Variants in ARID1A observed in about 807,000 individuals in gnomAD.
ARID1A encodes the protein AT-rich interactive domain-containing protein 1A.
Under a neutral mutation model 212.6 loss-of-function variants are expected in ARID1A, and 20 were observed. That is an observed-to-expected ratio of 0.09 (90% CI 0.07 to 0.14). ARID1A has a LOEUF of 0.14. Among genes scored for constraint, ARID1A ranks in the 10% least tolerant of loss-of-function variants. ARID1A has a pLI of 1.00. For synonymous variants in ARID1A, 1,376 were observed against 1,222.1 expected (o/e 1.13, Z -2.63); for missense variants, 2,587 against 3,059.0 (o/e 0.85, Z 3.64).
At chr1:26,773,941 T>C (rs2124115688) in intron 17 of ARID1A, 43 bp downstream of exon 17, 1 of 1,589,694 alleles carries the variant, frequency 6.3e-7, no homozygotes, top group Non-Finnish European at 8.6e-7. Context: ...CAGGTTCGCC[T>C]TGAAAACTAG....
At chr1:26,711,581 C>G (rs2080454792) in intron 1 of ARID1A, among the ~76,000 whole-genome samples, 1 of 152,162 alleles carries the variant, frequency 6.6e-6, no homozygotes. Flanking sequence ...AACATTCAGC[C>G]AGTAACAGGA....
rs2081198006 is a variant in ARID1A, at chr1:26,781,765, T to G, written c.*1009T>G. On this transcript the variant is annotated 3_prime_UTR_variant, in exon 20 of 20. Coordinates refer to ENST00000324856, the MANE Select transcript of ARID1A (RefSeq NM_006015.6). ...AATCTCTTGCCAGATATCGCCCCTC[T>G]TGGTGCGATGCTGTACAGGTCTCTG... The G allele has an allele frequency of 4.3e-6, 1 of 233,646 alleles. No individual in the cohort carries two copies. Among genetic ancestry groups the G allele is most frequent in the African/African-American group, 2.2e-5 (1 of 45,360 alleles). The allele number at this position is 233,646 out of a possible 1,614,324, so 14.5% of individuals were successfully genotyped here. A position where few individuals can be genotyped will look rare whatever the true frequency, so the allele number is the denominator to read the frequency against.
At chr1:26,708,746 G>A (rs776049221) in intron 1 of ARID1A, among the ~76,000 whole-genome samples, 53 of 151,326 alleles carry the variant, frequency 3.5e-4, no homozygotes, top group Non-Finnish European at 6.1e-4. Flanking sequence ...CCAGGCTGGA[G>A]TGCAGTGGCG....
intron 1 of ARID1A, among the ~76,000 whole-genome samples, chr1:26,702,113 G>A (rs913846933): frequency 3.9e-5 from 6 of 152,190 alleles, no homozygotes; most frequent in African/African-American, 1.2e-4. Context: ...GGCAGGTCTA[G>A]GTCTGGTTTG....
chr1:26,740,000 A>G (rs2080772858), intron 4 of ARID1A, among the ~76,000 whole-genome samples: 1 of 151,972 alleles, frequency 6.6e-6, no homozygotes, highest in Non-Finnish European at 1.5e-5. Context: ...AAAAAAAAAA[A>G]AAAAGAAAAA....
intron 1 of ARID1A, among the ~76,000 whole-genome samples, chr1:26,721,397 A>G (rs1025146624): frequency 6.6e-6 from 1 of 152,094 alleles, no homozygotes; most frequent in African/African-American, 2.4e-5. Context: ...TTTTCAGTAG[A>G]GACCAGGTTT....
In ARID1A at chr1:26,773,691, G is replaced by T. The variant is rs370696498; in HGVS notation, c.3978G>T (p.Pro1326=). The T allele has an allele frequency of 1.3e-6, 2 of 1,585,870 alleles. No individual in the cohort carries two copies. The highest frequency in any genetic ancestry group is 1.4e-5 in the African/African-American group (1 of 73,872). The stretch of plus-strand genomic sequence containing the variant: ...TGTATTCTCCTAGCCGCTACCCCCC[G>T]CAGCAGCAGCAGCAGCAGCAGCAAC... The part of the protein sequence containing the change: ...SGMYSPSRYP[P]QQQQQQQQRH... Residue 1326 remains proline, a synonymous_variant, in exon 16 of 20, where the codon CCG becomes CCT. Coordinates refer to ENST00000324856, the MANE Select transcript of ARID1A (RefSeq NM_006015.6).
chr1:26,739,526 T>C (rs2124800522), intron 4 of ARID1A, among the ~76,000 whole-genome samples: 1 of 152,244 alleles, frequency 6.6e-6, no homozygotes, highest in South Asian at 2.1e-4. Flanking sequence ...ATTACTAGAC[T>C]AGGAAGCCAC....
Position 26,774,007 on chromosome 1 carries a change from C to G in ARID1A, c.4101+109C>G. ...AAGAAGCTCACTTTAGATATTTTGGCATTCTTCTCTCACCTGACTGGCCAG... is the reference window on the plus strand; with the variant it reads ...AAGAAGCTCACTTTAGATATTTTGGGATTCTTCTCTCACCTGACTGGCCAG... On this transcript the variant is annotated intron_variant, in intron 17 of 19. Transcript: ENST00000324856. This position sits in a 1 kb window ranked among gnomAD's most constrained non-coding sequence, Gnocchi z 5.6. 7.1e-7 allele frequency: 1 copy of G among 1,398,638 alleles called. No individual in the cohort carries two copies. The highest frequency in any genetic ancestry group is 9.9e-7 in the Non-Finnish European group (1 of 1,009,900). 86.6% of individuals were successfully genotyped at this position (1,398,638 alleles called of 1,614,324 possible).
intron 1 of ARID1A, among the ~76,000 whole-genome samples, chr1:26,698,894 C>T (rs1250002799): frequency 2.0e-5 from 3 of 152,020 alleles, no homozygotes; most frequent in African/African-American, 7.3e-5. Context: ...TAGGTTCAAG[C>T]GGTCTGTTTT....
rs150921423 is a variant in ARID1A at position 26,736,836 on chromosome 1, A to T, written c.1920+4044A>T. 3.2e-3 allele frequency among the ~76,000 whole-genome samples: 455 copies of T among 142,364 alleles called. 3 individuals are homozygous for T. Among genetic ancestry groups the T allele is most frequent in the Middle Eastern group, 0.032 (9 of 284 alleles). The allele number at this position is 142,364 out of a possible 152,430, so 93.4% of individuals were successfully genotyped here. Reference sequence around the variant, plus strand: ...AGAATTGCTTCAATCCAGGAGGCAGAGGTTGCAGTGAGCCAAGATCACGCC... The same window carrying T: ...AGAATTGCTTCAATCCAGGAGGCAGTGGTTGCAGTGAGCCAAGATCACGCC... On this transcript the variant is annotated intron_variant, in intron 4 of 19. Coordinates refer to ENST00000324856, the MANE Select transcript of ARID1A (RefSeq NM_006015.6).
chr1:26,707,737 A>G (rs2080407018), intron 1 of ARID1A, among the ~76,000 whole-genome samples: 1 of 152,150 alleles, frequency 6.6e-6, no homozygotes, highest in Non-Finnish European at 1.5e-5. Flanking sequence ...TTCCTAATTT[A>G]ATCTTCAAAA....
intron 19 of ARID1A, among the ~76,000 whole-genome samples, chr1:26,777,419 A>G (rs1056305718): frequency 1.1e-4 from 15 of 135,884 alleles, no homozygotes; most frequent in Admixed American, 2.3e-4. Context: ...TTTTTGAGAG[A>G]TGAGGCTTCA....
At position 26,762,220 on chromosome 1, in the gene ARID1A, C is replaced by T. The variant is rs1466882490; in HGVS notation, c.2320C>T (p.Arg774Cys). 4.3e-6 allele frequency: 7 copies of T among 1,614,082 alleles called. No individual in the cohort carries two copies. Among genetic ancestry groups the T allele is most frequent in the Non-Finnish European group, 5.9e-6 (7 of 1,180,040 alleles). The change falls in exon 7 of 20, where the codon CGT (arginine) becomes TGT (cysteine). Residue 774 changes from arginine to cysteine, a missense_variant. By Grantham distance (180) the Arg-to-Cys change is radical. Coordinates refer to ENST00000324856, the MANE Select transcript of ARID1A (RefSeq NM_006015.6). ...CCAGCCCGGCTCAGCCTTATCTCCG[C>T]GTCAGCCTTCCGGAGGACAGATACA... ...SPQPGSALSP[R>C]QPSGGQIHTG...
At chr1:26,756,270 G>A (rs138260744) in intron 4 of ARID1A, among the ~76,000 whole-genome samples, 3 of 151,706 alleles carry the variant, frequency 2.0e-5, no homozygotes, top group African/African-American at 7.2e-5. Flanking sequence ...AAAATTAGCC[G>A]GGGGGCCAGG....
chr1:26,731,544 G>A lies in ARID1A; in HGVS notation c.1743G>A (p.Gln581=), dbSNP rs1428922936. 1 of 1,613,948 alleles carries A rather than the reference G, an allele frequency of 6.2e-7. No homozygotes were observed. Among genetic ancestry groups the A allele is most frequent in the African/African-American group, 1.3e-5 (1 of 74,854 alleles). ...TCTCCCAGCAGGCTGCGTATCCTCA[G>A]CCCCAGTCTCAGCAGTCCCAGCAAA... ...STLSQQAAYP[Q]PQSQQSQQTA... The change falls in exon 3 of 20, where the codon CAG becomes CAA. Residue 581 remains glutamine, a synonymous_variant. Transcript: ENST00000324856.
intron 13 of ARID1A, 24 bp downstream of exon 13, chr1:26,772,656 T>C (rs2081093547): frequency 6.2e-7 from 1 of 1,614,178 alleles, no homozygotes. Flanking sequence ...CAGGGGCAGA[T>C]GGTTGGGAGG....
In ARID1A at chr1:26,766,465, G is replaced by A. The variant is rs758685458; in HGVS notation, c.2887G>A (p.Ala963Thr). The change falls in exon 10 of 20, where the codon GCC becomes ACC. Residue 963 changes from alanine (A) to threonine (T), a missense_variant. Ala to Thr is a moderately conservative substitution (Grantham distance 58). Transcript: ENST00000324856. ...TMANNSAGMA[A>T]SPEMMGLGDV... The stretch of plus-strand genomic sequence containing the variant: ...TTTTTTCTCTTTTACAGGGATGGCA[G>A]CCAGCCCAGAGATGATGGGCCTTGG... 1 of 1,614,142 alleles carries A rather than the reference G, an allele frequency of 6.2e-7. No individual in the cohort carries two copies. The highest frequency in any genetic ancestry group is 8.5e-7 in the Non-Finnish European group (1 of 1,180,018).
At chr1:26,704,788 G>C (rs1028928002) in intron 1 of ARID1A, among the ~76,000 whole-genome samples, 3 of 151,886 alleles carry the variant, frequency 2.0e-5, no homozygotes, top group African/African-American at 7.3e-5. Flanking sequence ...GAGCCCAGGA[G>C]GTTGAGGCTG....
Sources: gnomAD v4.1 joint callset for allele counts (sites outside exome capture counted in the v4.1 genomes callset) on GRCh38, gnomAD v4.1.1 for gene constraint, Gnocchi (gnomAD v3.1) non-coding constraint, MANE v1.5 for transcripts, NCBI Gene and HGNC (gene_info 2026-07-23, HGNC 2026-07-21) for gene names.